The following SMTN variants were observed in gnomAD, a reference collection of about 807,000 sequenced individuals.
SMTN encodes the protein smoothelin.
SMTN carries 58 observed loss-of-function variants against 102.0 expected under a neutral mutation model. That is an observed-to-expected ratio of 0.57 (90% CI 0.46 to 0.71). The LOEUF (loss-of-function observed/expected upper bound fraction) is 0.71, where lower values mean the gene tolerates loss of function less well. SMTN is among the 30% of genes least tolerant of loss of function. The probability of loss-of-function intolerance (pLI) is 0.00; values close to 1 mark genes in which losing one functional copy is unlikely to be tolerated. For synonymous variants in SMTN, 478 were observed against 497.9 expected (o/e 0.96, Z 0.53); for missense variants, 1,185 against 1,241.7 (o/e 0.95, Z 0.69).
chr22:31,099,206 G>C, intron 18 of SMTN, 27 bp downstream of exon 18: 1 of 1,513,374 alleles, frequency 6.6e-7, no homozygotes, highest in African/African-American at 1.4e-5. Flanking sequence ...CAGGGGGCCT[G>C]GAGGCCTCCC....
chr22:31,089,640 G>A (rs2042964263), intron 6 of SMTN, 59 bp from the exon 7 acceptor site: 2 of 1,497,540 alleles, frequency 1.3e-6, no homozygotes, highest in Admixed American at 1.7e-5. Context: ...GGCCCTCAGT[G>A]GTGGGGGTGG....
At chr22:31,093,461 C>A (rs776243700) in intron 11 of SMTN, 1 of 582,980 alleles carries the variant, frequency 1.7e-6, no homozygotes, top group South Asian at 1.8e-5. Context: ...CCGGGGGTAC[C>A]AGGGCCTGGG....
chr22:31,091,882 C>T (rs374046820), intron 11 of SMTN, 35 bp downstream of exon 11: 92 of 1,517,658 alleles, frequency 6.1e-5, no homozygotes, highest in East Asian at 1.5e-4. Context: ...CCTCACCATC[C>T]GTCAGCCTCA....
At chr22:31,080,288 A>C (rs1342612594), upstream of SMTN, among the ~76,000 whole-genome samples, 1 of 152,214 alleles carries the variant, frequency 6.6e-6, no homozygotes, top group Non-Finnish European at 1.5e-5. Flanking sequence ...GTCTGGACTC[A>C]GAAGGTGCTG....
At chr22:31,099,724 C>T (rs1439993591) in intron 18 of SMTN, 21 bp from the exon 19 acceptor site, 3 of 1,611,084 alleles carry the variant, frequency 1.9e-6, no homozygotes, top group Non-Finnish European at 2.5e-6. Flanking sequence ...GGTTCCTGAC[C>T]AGTCCTCCTA....
intron 20 of SMTN, 77 bp downstream of exon 20, chr22:31,101,126 C>T (rs533920233): frequency 3.0e-5 from 41 of 1,357,156 alleles, no homozygotes; most frequent in South Asian, 8.4e-5. Flanking sequence ...TCCAGGGAGG[C>T]GGGTGGGGGA....
intron 1 of SMTN, among the ~76,000 whole-genome samples, chr22:31,076,239 T>C (rs572072189): frequency 4.9e-4 from 74 of 152,330 alleles, no homozygotes; most frequent in Admixed American, 1.5e-3. Context: ...GCAGAGCCCT[T>C]CTGCAGCCTC....
At chr22:31,084,963 A>G in intron 2 of SMTN, 1 of 1,410,560 alleles carries the variant, frequency 7.1e-7, no homozygotes, top group Non-Finnish European at 9.2e-7. Flanking sequence ...CATATAAGGA[A>G]AAGCTAGGCC....
rs145625126 is a variant in SMTN, at chr22:31,069,343, C to A, written c.-386+5156C>A. ...TGGGGACTAGAGCGACCGTTCCCCA[C>A]CTCACCCACCCCAAGCTCAGAGGTT... On this transcript the variant is annotated intron_variant, in intron 1 of 3. Transcript: ENST00000422839. 2.2e-4 allele frequency among the ~76,000 whole-genome samples: 34 copies of A among 152,260 alleles called. No homozygotes were observed. The East Asian group carries it at 6.4e-3, about 29-fold the overall frequency.
intron 1 of SMTN, among the ~76,000 whole-genome samples, chr22:31,075,222 C>A (rs916064004): frequency 1.3e-5 from 2 of 151,932 alleles, no homozygotes; most frequent in African/African-American, 4.8e-5. Flanking sequence ...CATTTTTTTT[C>A]TTCGTCTAAA....
In SMTN at chr22:31,088,307, G is replaced by A. The variant is rs528919016; in HGVS notation, c.200+194G>A. ...ATGTACTGATTGTGGCGTCGCGGCCGTGCTGATGTAGCCAGCACGTCTGAG... is the reference window on the plus strand; with the variant it reads ...ATGTACTGATTGTGGCGTCGCGGCCATGCTGATGTAGCCAGCACGTCTGAG... On this transcript the variant is annotated intron_variant, in intron 3 of 20. Coordinates refer to ENST00000333137, the MANE Select transcript of SMTN (RefSeq NM_134269.3). The A allele has an allele frequency of 1.2e-4, 97 of 805,050 alleles. 1 individual carries two copies. The highest frequency in any genetic ancestry group is 1.2e-3 in the South Asian group (66 of 56,800). The allele number at this position is 805,050 out of a possible 1,614,324, so 49.9% of individuals were successfully genotyped here. A position where few individuals can be genotyped will look rare whatever the true frequency, so the allele number is the denominator to read the frequency against.
At position 31,104,524 on chromosome 22, in the gene SMTN, G is replaced by A. The variant is rs1602698444; in HGVS notation, c.*229G>A. ...CTGCCGCCCCCACTCTCCGGGCACCGTCTCCTGCCTGTGCGTCCGCCCACC... is the reference window on the plus strand; with the variant it reads ...CTGCCGCCCCCACTCTCCGGGCACCATCTCCTGCCTGTGCGTCCGCCCACC... On this transcript the variant is annotated 3_prime_UTR_variant, in exon 21 of 21. Coordinates refer to ENST00000333137, the MANE Select transcript of SMTN (RefSeq NM_134269.3). 3.2e-6 allele frequency: 5 copies of A among 1,580,818 alleles called. No homozygotes were observed. The East Asian group carries it at 6.7e-5, about 21-fold the overall frequency.
At chr22:31,082,821 G>C in intron 1 of SMTN, 1 of 1,486,686 alleles carries the variant, frequency 6.7e-7, no homozygotes, top group Non-Finnish European at 9.0e-7. Context: ...CTGGAGACTG[G>C]AGTGCACCCC....
Position 31,091,082 on chromosome 22 carries a change from G to A in SMTN, c.1059G>A (p.Gln353=). The part of the protein sequence containing the change: ...MAARLQDGTP[Q]AALSPLTPAR... ...CTAGGCTCCAGGATGGCACACCCCA[G>A]GCTGCCCTAAGTCCCCTGACCCCCG... Residue 353 remains glutamine, a synonymous_variant, in exon 10 of 21, where the codon CAG becomes CAA. Transcript: ENST00000333137. 1 of 1,614,008 alleles carries A rather than the reference G, an allele frequency of 6.2e-7. No homozygotes were observed. The highest frequency in any genetic ancestry group is 8.5e-7 in the Non-Finnish European group (1 of 1,179,958).
intron 10 of SMTN, 88 bp from the exon 11 acceptor site, chr22:31,091,587 G>A: frequency 6.6e-7 from 1 of 1,515,568 alleles, no homozygotes; most frequent in Non-Finnish European, 8.9e-7. Context: ...TCCAAAGGGT[G>A]TGCTGGGAGC....
In SMTN at chr22:31,098,857, G is replaced by A. The variant is rs1351102464; in HGVS notation, c.2333+17G>A. On this transcript the variant is annotated intron_variant, in intron 17 of 20. Coordinates refer to ENST00000333137, the MANE Select transcript of SMTN (RefSeq NM_134269.3). ...CGCGGCCGGGTGAGCTGCAGAAGTGGGCTGGGCAGTGGGGGGCGGGGCGTG... is the reference window on the plus strand; with the variant it reads ...CGCGGCCGGGTGAGCTGCAGAAGTGAGCTGGGCAGTGGGGGGCGGGGCGTG... The A allele has an allele frequency of 6.3e-7, 1 of 1,591,406 alleles. No homozygotes were observed. Among genetic ancestry groups the A allele is most frequent in the Non-Finnish European group, 8.5e-7 (1 of 1,174,512 alleles).
At chr22:31,065,762 G>A (rs1301787210) in intron 1 of SMTN, 1 of 151,780 alleles carries the variant, frequency 6.6e-6, no homozygotes, top group African/African-American at 2.4e-5. Context: ...AGCAGAAAAA[G>A]CACTGATCTA....
chr22:31,096,733 A>T lies in SMTN; in HGVS notation c.1862A>T (p.Asp621Val), dbSNP rs758579257. The T allele has an allele frequency of 1.3e-6, 2 of 1,546,138 alleles. No individual in the cohort carries two copies. Among genetic ancestry groups the T allele is most frequent in the East Asian group, 4.5e-5 (2 of 44,380 alleles). Reference sequence around the variant, plus strand: ...CATGCATGGGGCATCCCCTGCCCAGACCAGCGGGACAAGGAGCGGGAACGG... The same window carrying T: ...CATGCATGGGGCATCCCCTGCCCAGTCCAGCGGGACAAGGAGCGGGAACGG... ...ALRELRQRKR[D>V]QRDKERERRL... The change falls in exon 14 of 21, where the codon GAC becomes GTC. Residue 621 changes from aspartate (D) to valine (V), a missense_variant and splice_region_variant. Coordinates refer to ENST00000333137, the MANE Select transcript of SMTN (RefSeq NM_134269.3).
chr22:31,079,718 C>T (rs2042221158), upstream of SMTN, among the ~76,000 whole-genome samples: 1 of 152,232 alleles, frequency 6.6e-6, no homozygotes, highest in Non-Finnish European at 1.5e-5. Context: ...CTGTTTGCCT[C>T]TCCTGCTGTG....
Sources: gnomAD v4.1 joint callset for allele counts (sites outside exome capture counted in the v4.1 genomes callset) on GRCh38, gnomAD v4.1.1 for gene constraint, MANE v1.5 for transcripts, NCBI Gene and HGNC (gene_info 2026-07-23, HGNC 2026-07-21) for gene names.